The following TMEM164 variants were observed in gnomAD, a reference collection of about 807,000 sequenced individuals.
The protein encoded by TMEM164 is transmembrane protein 164.
A neutral mutation model predicts 18.8 loss-of-function variants in TMEM164; 4 were observed. That is an observed-to-expected ratio of 0.21 (90% CI 0.10 to 0.49). The LOEUF (loss-of-function observed/expected upper bound fraction) is 0.49, where lower values mean the gene tolerates loss of function less well. TMEM164 is among the 20% of genes least tolerant of loss of function. The pLI is 0.98. For synonymous variants in TMEM164, 86 were observed against 101.7 expected (o/e 0.85, Z 0.93); for missense variants, 108 against 239.9 (o/e 0.45, Z 3.63).
intron 3 of TMEM164, among the ~76,000 whole-genome samples, chrX:110,085,329 T>TAAA (rs71987973): frequency 2.6e-5 from 2 of 76,577 alleles, no homozygotes; most frequent in African/African-American, 1.0e-4. Flanking sequence ...CTTGGCTAAT[T>TAAA]AAAAAAAATA....
At chrX:110,093,611 AT>A (rs1181473732) in intron 3 of TMEM164, among the ~76,000 whole-genome samples, 3 of 111,232 alleles carry the variant, frequency 2.7e-5, no homozygotes, top group Non-Finnish European at 5.7e-5. Context: ...TGGTCTATCA[AT>A]TTTGTTGATC....
At chrX:110,029,823 C>T (rs1293487344) in intron 2 of TMEM164, among the ~76,000 whole-genome samples, 1 of 111,226 alleles carries the variant, frequency 9.0e-6, no homozygotes, top group Non-Finnish European at 1.9e-5. Context: ...CTGAGCTAGT[C>T]CTCTTTGCTA....
At chrX:110,105,758 A>C (rs1016090358) in intron 3 of TMEM164, among the ~76,000 whole-genome samples, 1 of 86,538 alleles carries the variant, frequency 1.2e-5, no homozygotes, top group African/African-American at 5.2e-5. Flanking sequence ...AATGAGAGAG[A>C]GAGAGAGAGA....
At chrX:110,101,709 A>G (rs990817981) in intron 3 of TMEM164, among the ~76,000 whole-genome samples, 15 of 107,755 alleles carry the variant, frequency 1.4e-4, no homozygotes, top group African/African-American at 4.8e-4. Flanking sequence ...CCTTCCAAGT[A>G]GCTGGGACTA....
intron 4 of TMEM164, among the ~76,000 whole-genome samples, chrX:110,127,234 C>T (rs183974408): frequency 3.1e-4 from 34 of 111,344 alleles, no homozygotes; most frequent in African/African-American, 8.5e-4. Context: ...CACTCCTGGC[C>T]GGGTGTGGTG....
chrX:110,109,438 A>C (rs2066261182), intron 4 of TMEM164, among the ~76,000 whole-genome samples: 1 of 112,017 alleles, frequency 8.9e-6, no homozygotes, highest in South Asian at 3.7e-4. Context: ...GAATCGCTTG[A>C]ACCTGGGTGG....
At chrX:110,035,081 G>GA in intron 2 of TMEM164, among the ~76,000 whole-genome samples, 1 of 60,977 alleles carries the variant, frequency 1.6e-5, no homozygotes, top group South Asian at 1.6e-3. Flanking sequence ...GGGGTGGGGG[G>GA]AGGGGGGAGG....
intron 5 of TMEM164, among the ~76,000 whole-genome samples, chrX:110,146,604 A>C (rs773611272): frequency 6.3e-5 from 7 of 111,485 alleles, no homozygotes; most frequent in Admixed American, 9.5e-5. Context: ...GATCTCACCA[A>C]ACTGACTTTT....
chrX:110,084,464 G>GTA (rs572080956), intron 3 of TMEM164, among the ~76,000 whole-genome samples: 47 of 61,728 alleles, frequency 7.6e-4, no homozygotes, highest in East Asian at 1.8e-3. Flanking sequence ...ATATAGTATA[G>GTA]TATATATATA....
chrX:110,092,645 T>C (rs941962125), intron 3 of TMEM164, among the ~76,000 whole-genome samples: 2 of 112,085 alleles, frequency 1.8e-5, no homozygotes, highest in Non-Finnish European at 3.8e-5. Context: ...TACAATCATG[T>C]CATCTGCAAA....
At chrX:110,121,570 A>G (rs1225276686) in intron 4 of TMEM164, among the ~76,000 whole-genome samples, 8 of 112,290 alleles carry the variant, frequency 7.1e-5, no homozygotes, top group Non-Finnish European at 1.1e-4. Flanking sequence ...CCTTTGTATT[A>G]TATATCACAT....
At position 110,175,985 on chromosome X, in the gene TMEM164, C is replaced by A. The variant is rs1321982281; in HGVS notation, c.*2534C>A. The A allele has an allele frequency of 1.3e-6, 1 of 754,949 alleles. No individual in the cohort carries two copies. 62.2% of individuals were successfully genotyped at this position (754,949 alleles called of 1,213,427 possible). A position where few individuals can be genotyped will look rare whatever the true frequency, so the allele number is the denominator to read the frequency against. On this transcript the variant is annotated 3_prime_UTR_variant, in exon 7 of 7. Transcript: ENST00000372068. ...CTTTGGTACAGGAGTGAGGGAGAAG[C>A]TGGAGCTTGCACACCCAGTGGCCAG...
intron 2 of TMEM164, among the ~76,000 whole-genome samples, chrX:110,020,931 G>A (rs1345252339): frequency 3.8e-5 from 3 of 79,399 alleles, no homozygotes; most frequent in African/African-American, 9.9e-5. Flanking sequence ...ATACAAAAAT[G>A]TTGCAGAACC....
At chrX:110,050,938 T>G (rs1446749291) in intron 2 of TMEM164, among the ~76,000 whole-genome samples, 2 of 112,417 alleles carry the variant, frequency 1.8e-5, no homozygotes, top group African/African-American at 6.5e-5. Context: ...TGCTAACATT[T>G]GGGAACTTTC....
intron 2 of TMEM164, among the ~76,000 whole-genome samples, chrX:110,059,498 CA>C (rs1201909262): frequency 5.5e-5 from 6 of 108,966 alleles, no homozygotes; most frequent in Admixed American, 2.0e-4. Context: ...TCAGTTTCTA[CA>C]AAAAAAAATG....
chrX:110,051,626 T>G (rs1935566421), intron 2 of TMEM164, among the ~76,000 whole-genome samples: 1 of 89,636 alleles, frequency 1.1e-5, no homozygotes, highest in Admixed American at 1.1e-4. Context: ...AGAAAGAAAA[T>G]CCAGTTATTC....
rs779913326 is a variant in TMEM164, at chrX:110,098,200, T to C, written c.441-10880T>C. 4.2e-3 allele frequency among the ~76,000 whole-genome samples: 469 copies of C among 112,171 alleles called. 6 individuals are homozygous for C. The highest frequency in any genetic ancestry group is 0.014 in the African/African-American group (442 of 30,896). ...GAGTGGGTTTGTTTACTTAGCATAA[T>C]GCCTTTGAGATTCATCTGAGTTGAT... On this transcript the variant is annotated intron_variant, in intron 3 of 6. Coordinates refer to ENST00000372068, the MANE Select transcript of TMEM164 (RefSeq NM_032227.4).
chrX:110,090,647 G>T (rs144027228), intron 3 of TMEM164, among the ~76,000 whole-genome samples: 1 of 111,596 alleles, frequency 9.0e-6, no homozygotes, highest in African/African-American at 3.3e-5. Flanking sequence ...AAAGTGAATA[G>T]CGCAGTACAT....
chrX:110,010,429 C>T (rs1238571843), intron 2 of TMEM164, among the ~76,000 whole-genome samples: 4 of 112,712 alleles, frequency 3.5e-5, no homozygotes, highest in Admixed American at 2.8e-4. Context: ...TGAGTGAATG[C>T]GAAGAGACTC....
Sources: gnomAD v4.1 joint callset for allele counts (sites outside exome capture counted in the v4.1 genomes callset) on GRCh38, gnomAD v4.1.1 for gene constraint, MANE v1.5 for transcripts, NCBI Gene and HGNC (gene_info 2026-07-23, HGNC 2026-07-21) for gene names.